The following CRISP3 variants were observed in gnomAD, a reference collection of about 807,000 sequenced individuals.
The protein encoded by CRISP3 is cysteine rich secretory protein 3, also known as cysteine-rich secretory protein 3.
A neutral mutation model predicts 36.1 loss-of-function variants in CRISP3; 33 were observed. The observed-to-expected ratio is 0.91, with a 90% CI of 0.69 to 1.22. The LOEUF is 1.22. Among genes scored for constraint, CRISP3 ranks in the 50% most tolerant of loss-of-function variants. The probability of loss-of-function intolerance (pLI) is 0.00; values close to 1 mark genes in which losing one functional copy is unlikely to be tolerated. For synonymous variants in CRISP3, 117 were observed against 104.6 expected, an observed-to-expected ratio of 1.12 and a Z score of -0.72; for missense variants, 330 against 301.2, an observed-to-expected ratio of 1.10 and a Z score of -0.71.
chr6:49,731,129 T>C (rs1392967385), intron 7 of CRISP3, 34 bp downstream of exon 7: 5 of 1,384,882 alleles, frequency 3.6e-6, no homozygotes, highest in Non-Finnish European at 5.0e-6. Flanking sequence ...CAGATCATTT[T>C]ATTTTATTAT....
At chr6:49,733,431 A>C (rs1768965144) in intron 5 of CRISP3, 139 bp from the exon 6 acceptor site, 1 of 644,384 alleles carries the variant, frequency 1.6e-6, no homozygotes, top group African/African-American at 1.8e-5. Context: ...ATATTTAGTT[A>C]AATTATTGAA....
Position 49,737,378 on chromosome 6 carries a change from G to T in CRISP3, c.58C>A (p.Leu20Met). 6.2e-7 allele frequency: 1 copy of T among 1,613,936 alleles called. No homozygotes were observed. The highest frequency in any genetic ancestry group is 8.5e-7 in the Non-Finnish European group (1 of 1,179,912). ...ETTAMTLFPV[L>M]LFLVAGLLPS... ...AGCAGCCCAGCAACCAGGAACAACA[G>T]CACTGGGAATAATGTCATTGCTGGG... Residue 20 changes from leucine (L) to methionine (M), a missense_variant, in exon 2 of 8, where the codon CTG (leucine) becomes ATG (methionine). Leu to Met is a conservative substitution (Grantham distance 15). Coordinates refer to ENST00000263045, the MANE Select transcript of CRISP3 (RefSeq NM_006061.4).
intron 7 of CRISP3, among the ~76,000 whole-genome samples, chr6:49,729,541 C>A (rs571257): frequency 0.14 from 21,349 of 152,126 alleles, 1,679 homozygotes; most frequent in African/African-American, 0.21. Flanking sequence ...ATCCTATCTA[C>A]AAGCTTGACA....
intron 7 of CRISP3, among the ~76,000 whole-genome samples, chr6:49,730,786 A>T (rs1489106322): frequency 1.3e-5 from 2 of 152,216 alleles, no homozygotes; most frequent in Non-Finnish European, 2.9e-5. Context: ...CACACCTGTA[A>T]TCCCAGCACT....
intron 1 of CRISP3, among the ~76,000 whole-genome samples, chr6:49,738,824 C>T (rs1239781599): frequency 6.6e-6 from 1 of 152,126 alleles, no homozygotes; most frequent in Non-Finnish European, 1.5e-5. Flanking sequence ...ACCATCTCGT[C>T]CCAGCATCGC....
chr6:49,737,963 T>C (rs552697153), intron 1 of CRISP3, among the ~76,000 whole-genome samples: 1 of 152,326 alleles, frequency 6.6e-6, no homozygotes, highest in Non-Finnish European at 1.5e-5. Context: ...TTTTTATGCA[T>C]ACCTTTAAAC....
intron 1 of CRISP3, among the ~76,000 whole-genome samples, chr6:49,740,806 C>T (rs748155875): frequency 6.6e-6 from 1 of 151,986 alleles, no homozygotes; most frequent in African/African-American, 2.4e-5. Flanking sequence ...AACTGTAAGA[C>T]CCATCCTGTG....
chr6:49,741,050 G>A (rs773338384), intron 1 of CRISP3, among the ~76,000 whole-genome samples: 4 of 149,970 alleles, frequency 2.7e-5, no homozygotes, highest in Non-Finnish European at 5.9e-5. Context: ...GCAGTGAGCC[G>A]AGATCGCGCC....
At chr6:49,736,632 G>A in intron 2 of CRISP3, 125 bp from the exon 3 acceptor site, 1 of 751,676 alleles carries the variant, frequency 1.3e-6, no homozygotes, top group Non-Finnish European at 2.4e-6. Flanking sequence ...GGTAAACATT[G>A]TCAATGACTG....
At chr6:49,741,961 T>C (rs1399570961) in intron 1 of CRISP3, among the ~76,000 whole-genome samples, 1 of 150,126 alleles carries the variant, frequency 6.7e-6, no homozygotes, top group African/African-American at 2.4e-5. Context: ...GTTATTGTTT[T>C]CAAATGATAA....
chr6:49,739,304 G>A (rs1428007315), intron 1 of CRISP3, among the ~76,000 whole-genome samples: 2 of 152,166 alleles, frequency 1.3e-5, no homozygotes, highest in Non-Finnish European at 2.9e-5. Flanking sequence ...CATTTATCAA[G>A]TTTTGTACAC....
intron 1 of CRISP3, among the ~76,000 whole-genome samples, chr6:49,742,245 C>T (rs937911515): frequency 4.6e-5 from 7 of 152,104 alleles, no homozygotes; most frequent in African/African-American, 1.7e-4. Flanking sequence ...TACATGTTAG[C>T]ATAAAGATAT....
intron 7 of CRISP3, among the ~76,000 whole-genome samples, chr6:49,729,251 T>C (rs1768854197): frequency 6.6e-6 from 1 of 152,110 alleles, no homozygotes; most frequent in East Asian, 1.9e-4. Context: ...TTCAGGTCTT[T>C]CCTCAACAAC....
Position 49,731,365 on chromosome 6 carries a change from T to A in CRISP3, c.561-114A>T, listed in dbSNP as rs1582189661. On this transcript the variant is annotated intron_variant, in intron 6 of 7. Transcript: ENST00000263045. Reference sequence around the variant, plus strand: ...AGTATTTATTAAATGTTTTTAATTATGTCAAATAATTAAAAATATAATCTC... The same window carrying A: ...AGTATTTATTAAATGTTTTTAATTAAGTCAAATAATTAAAAATATAATCTC... The A allele has an allele frequency of 1.2e-5, 6 of 485,584 alleles. No homozygotes were observed. In the East Asian group the frequency reaches 2.1e-4, roughly 17 times the overall value. The allele number at this position is 485,584 out of a possible 1,614,324, so 30.1% of individuals were successfully genotyped here. A position where few individuals can be genotyped will look rare whatever the true frequency, so the allele number is the denominator to read the frequency against.
In CRISP3 at chr6:49,728,178, G is replaced by A. The variant is rs1195579845; in HGVS notation, c.*552C>T. On this transcript the variant is annotated 3_prime_UTR_variant, in exon 8 of 8. Coordinates refer to ENST00000263045, the MANE Select transcript of CRISP3 (RefSeq NM_006061.4). ...ATTGATTTTGGCAAAATAAAAGTCA[G>A]GATTGTTTTAGGAGGAACAGCTTCA... 2.0e-5 allele frequency: 3 copies of A among 152,158 alleles called. No individual in the cohort carries two copies. Among genetic ancestry groups the A allele is most frequent in the African/African-American group, 7.2e-5 (3 of 41,450 alleles). The allele number at this position is 152,158 out of a possible 1,614,324, so 9.4% of individuals were successfully genotyped here.
intron 5 of CRISP3, 68 bp from the exon 6 acceptor site, chr6:49,733,360 A>G: frequency 9.5e-7 from 1 of 1,047,522 alleles, no homozygotes; most frequent in Non-Finnish European, 1.4e-6. Flanking sequence ...AACAAATAGT[A>G]GGAAATACAA....
chr6:49,741,963 A>C (rs1168803657), intron 1 of CRISP3, among the ~76,000 whole-genome samples: 2 of 150,210 alleles, frequency 1.3e-5, no homozygotes, highest in Non-Finnish European at 3.0e-5. Flanking sequence ...TATTGTTTTC[A>C]AATGATAAGA....
chr6:49,734,940 C>A (rs765000748), intron 4 of CRISP3, among the ~76,000 whole-genome samples: 6 of 151,004 alleles, frequency 4.0e-5, no homozygotes, highest in Non-Finnish European at 8.9e-5. Flanking sequence ...TTGTAAACAT[C>A]CAGAAAATAT....
At chr6:49,732,494 T>C (rs936709057) in intron 6 of CRISP3, among the ~76,000 whole-genome samples, 2 of 152,134 alleles carry the variant, frequency 1.3e-5, no homozygotes, top group African/African-American at 4.8e-5. Flanking sequence ...ATCCACAGAT[T>C]TTTTTTCGTG....
Sources: allele counts gnomAD v4.1 joint callset (sites outside exome capture counted in the v4.1 genomes callset), GRCh38; gene constraint gnomAD v4.1.1; transcripts MANE v1.5; gene names NCBI Gene and HGNC (gene_info 2026-07-23, HGNC 2026-07-21).